STAU2: variants seen among roughly 807,000 people sequenced by gnomAD.
The protein encoded by STAU2 is double-stranded RNA-binding protein Staufen homolog 2.
STAU2 carries 20 observed loss-of-function variants against 65.9 expected under a neutral mutation model. The observed-to-expected ratio is 0.30, with a 90% CI of 0.21 to 0.44. STAU2 has a LOEUF of 0.44. STAU2 is among the 20% of genes least tolerant of loss of function. STAU2 has a pLI of 1.00. For missense variants in STAU2, 558 were observed against 683.9 expected (o/e 0.82, Z 2.05); for synonymous variants, 232 against 233.9 (o/e 0.99, Z 0.07).
At chr8:73,736,492 C>T (rs1029743532) in intron 3 of STAU2, among the ~76,000 whole-genome samples, 4 of 152,074 alleles carry the variant, frequency 2.6e-5, no homozygotes, top group African/African-American at 9.7e-5. Flanking sequence ...AACTAAAGAG[C>T]AAGGTGCTAT....
intron 13 of STAU2, among the ~76,000 whole-genome samples, chr8:73,435,297 G>A (rs909650364): frequency 6.6e-6 from 1 of 151,892 alleles, no homozygotes; most frequent in Non-Finnish European, 1.5e-5. Context: ...CCAGGTAGCT[G>A]GTAAACCCTT....
rs1314816457 is a variant in STAU2, at chr8:73,595,314, A to G, written c.1030-17T>C. 1.3e-6 allele frequency: 2 copies of G among 1,569,116 alleles called. No homozygotes were observed. Among genetic ancestry groups the G allele is most frequent in the African/African-American group, 2.8e-5 (2 of 72,714 alleles). ...TACCTTCACCTGATAAGATTAAAGA[A>G]ATAAATTAAAGAAATACATTTATGA... is the stretch of plus-strand genomic sequence containing the variant. On this transcript the variant is annotated splice_polypyrimidine_tract_variant and intron_variant, in intron 10 of 14. Transcript: ENST00000524300.
chr8:73,735,226 G>A (rs1806352400), intron 3 of STAU2, among the ~76,000 whole-genome samples: 1 of 152,146 alleles, frequency 6.6e-6, no homozygotes, highest in Non-Finnish European at 1.5e-5. Context: ...CCACCACACT[G>A]GGCCCCTTTA....
chr8:73,709,310 A>T (rs2130644948), intron 3 of STAU2, 148 bp from the exon 4 acceptor site: 1 of 680,980 alleles, frequency 1.5e-6, no homozygotes, highest in East Asian at 2.9e-5. Flanking sequence ...AATGTCTTCC[A>T]TTACATGCAA....
At chr8:73,689,436 A>G (rs964786836) in intron 4 of STAU2, among the ~76,000 whole-genome samples, 2 of 152,176 alleles carry the variant, frequency 1.3e-5, no homozygotes, top group African/African-American at 4.8e-5. Flanking sequence ...GATCACTGCT[A>G]AAACTATCTT....
chr8:73,673,165 G>C lies in STAU2; in HGVS notation c.352C>G (p.Pro118Ala). 6.2e-7 allele frequency: 1 copy of C among 1,604,964 alleles called. No homozygotes were observed. Residue 118 changes from proline to alanine, a missense_variant, in exon 6 of 15, where the codon CCA (proline) becomes GCA (alanine). Transcript: ENST00000524300. ...GEPAIYRPLD[P>A]KPFPNYRANY... ...GCTCTATAATTTGGGAATGGCTTTG[G>C]ATCTAATGGCCTGTAGATGGCAGGC...
intron 3 of STAU2, among the ~76,000 whole-genome samples, chr8:73,722,700 C>T (rs1053092134): frequency 6.7e-6 from 1 of 148,950 alleles, no homozygotes; most frequent in Non-Finnish European, 1.5e-5. Context: ...TTCTCTTTAT[C>T]ATTTGCTTTC....
intron 10 of STAU2, among the ~76,000 whole-genome samples, chr8:73,598,900 T>C (rs911057294): frequency 1.3e-5 from 2 of 152,184 alleles, no homozygotes; most frequent in South Asian, 2.1e-4. Context: ...AGATAACATT[T>C]ACATTAAATG....
intron 13 of STAU2, among the ~76,000 whole-genome samples, chr8:73,529,786 C>A (rs1805688122): frequency 6.6e-6 from 1 of 152,170 alleles, no homozygotes; most frequent in Non-Finnish European, 1.5e-5. Flanking sequence ...CAAGTTAGCA[C>A]ACAGCTCCAA....
intron 13 of STAU2, among the ~76,000 whole-genome samples, chr8:73,491,125 T>A (rs1821133868): frequency 6.6e-6 from 1 of 152,010 alleles, no homozygotes; most frequent in African/African-American, 2.4e-5. Flanking sequence ...AAATGTTGAA[T>A]GAGGTAGAAT....
At chr8:73,715,664 T>C (rs899567909) in intron 3 of STAU2, among the ~76,000 whole-genome samples, 1 of 152,144 alleles carries the variant, frequency 6.6e-6, no homozygotes, top group African/African-American at 2.4e-5. Flanking sequence ...TACCTATCTT[T>C]AAAACAGCAA....
chr8:73,585,718 C>A (rs1054886277), intron 11 of STAU2, among the ~76,000 whole-genome samples: 1 of 152,208 alleles, frequency 6.6e-6, no homozygotes, highest in Non-Finnish European at 1.5e-5. Context: ...ATTTCTTCTA[C>A]TGTACCCCTC....
At chr8:73,462,035 A>C (rs1819377943) in intron 13 of STAU2, among the ~76,000 whole-genome samples, 1 of 151,932 alleles carries the variant, frequency 6.6e-6, no homozygotes, top group African/African-American at 2.4e-5. Context: ...CTTTTTGTTC[A>C]CATCTATCGG....
At chr8:73,708,777 T>C (rs899460624) in intron 4 of STAU2, among the ~76,000 whole-genome samples, 1 of 152,142 alleles carries the variant, frequency 6.6e-6, no homozygotes, top group African/African-American at 2.4e-5. Flanking sequence ...AATTACAAAA[T>C]GGAAATCAAA....
chr8:73,530,082 A>G (rs1805711314), intron 13 of STAU2, among the ~76,000 whole-genome samples: 1 of 152,178 alleles, frequency 6.6e-6, no homozygotes, highest in African/African-American at 2.4e-5. Flanking sequence ...GCGAGGACAA[A>G]GGCCAAAACC....
intron 6 of STAU2, among the ~76,000 whole-genome samples, chr8:73,627,679 A>C (rs1399087044): frequency 1.3e-5 from 2 of 152,210 alleles, no homozygotes; most frequent in African/African-American, 4.8e-5. Context: ...AAGAATACTA[A>C]ATAGCAGCTG....
At chr8:73,467,799 A>AC (rs940830680) in intron 13 of STAU2, among the ~76,000 whole-genome samples, 3 of 152,202 alleles carry the variant, frequency 2.0e-5, no homozygotes, top group African/African-American at 7.2e-5. Context: ...TCAATGAAAT[A>AC]AAAGAGGATA....
chr8:73,593,902 C>G (rs1810998834), intron 11 of STAU2, among the ~76,000 whole-genome samples: 1 of 151,364 alleles, frequency 6.6e-6, no homozygotes, highest in Non-Finnish European at 1.5e-5. Context: ...CACACACACA[C>G]ACACGTTGAT....
At chr8:73,537,239 G>A (rs1208016700) in intron 13 of STAU2, among the ~76,000 whole-genome samples, 1 of 152,156 alleles carries the variant, frequency 6.6e-6, no homozygotes, top group Admixed American at 6.5e-5. Flanking sequence ...TCAAGGGTCT[G>A]TGAGATCATA....
Sources: allele counts gnomAD v4.1 joint callset (sites outside exome capture counted in the v4.1 genomes callset), GRCh38; gene constraint gnomAD v4.1.1; transcripts MANE v1.5; gene names NCBI Gene and HGNC (gene_info 2026-07-23, HGNC 2026-07-21).